TENM3: variants seen among roughly 807,000 people sequenced by gnomAD.
TENM3 encodes teneurin-3.
Under a neutral mutation model 255.1 loss-of-function variants are expected in TENM3, and 63 were observed. That is an observed-to-expected ratio of 0.25 (90% CI 0.20 to 0.30). The LOEUF (loss-of-function observed/expected upper bound fraction) is 0.30. Ranked by LOEUF, TENM3 falls within the 10% of genes least tolerant of loss-of-function variation. The pLI is 1.00. For missense variants in TENM3, 2,929 were observed against 3,461.1 expected (o/e 0.85, Z 3.86); for synonymous variants, 1,306 against 1,322.3 (o/e 0.99, Z 0.27).
chr4:181,715,639 G>A, the TENM3 span, among the ~76,000 whole-genome samples: 1 of 152,214 alleles, frequency 6.6e-6, no homozygotes, highest in Admixed American at 6.5e-5. Flanking sequence ...GGTATGCAGT[G>A]AGATTCTTCA....
At chr4:182,720,297 A>C (rs1013481318) in intron 13 of TENM3, among the ~76,000 whole-genome samples, 1 of 152,180 alleles carries the variant, frequency 6.6e-6, no homozygotes, top group Admixed American at 6.6e-5. Context: ...CTCTAAAAAC[A>C]GATTTAAAAA....
chr4:181,813,872 GT>G, the TENM3 span, among the ~76,000 whole-genome samples: 4 of 152,130 alleles, frequency 2.6e-5, no homozygotes, highest in Non-Finnish European at 5.9e-5. Flanking sequence ...CTGAATAAGT[GT>G]TGGGAAAGGG....
At chr4:181,590,358 C>T in the TENM3 span, among the ~76,000 whole-genome samples, 11 of 152,136 alleles carry the variant, frequency 7.2e-5, no homozygotes, top group African/African-American at 2.4e-4. Flanking sequence ...CTAAGGCTCT[C>T]GGCTATTCCA....
chr4:182,208,408 A>G (rs1460292957), intron 1 of TENM3, among the ~76,000 whole-genome samples: 1 of 152,214 alleles, frequency 6.6e-6, no homozygotes, highest in Admixed American at 6.5e-5. Context: ...ATTTCCGTAA[A>G]GGGACAGATA....
At chr4:181,534,163 G>A in the TENM3 span, among the ~76,000 whole-genome samples, 263 of 151,778 alleles carry the variant, frequency 1.7e-3, 1 homozygote, top group African/African-American at 6.1e-3. Flanking sequence ...AGCCGAGGTG[G>A]GTGGATCACA....
chr4:182,738,616 A>G (rs1271552559), intron 18 of TENM3, 72 bp downstream of exon 18: 3 of 1,304,660 alleles, frequency 2.3e-6, no homozygotes, highest in Non-Finnish European at 1.0e-6. Flanking sequence ...CCCACTTTCC[A>G]ACTCATGAGA....
At chr4:181,489,264 T>G in the TENM3 span, among the ~76,000 whole-genome samples, 2 of 152,328 alleles carry the variant, frequency 1.3e-5, no homozygotes, top group South Asian at 4.1e-4. Context: ...TCCAATTTCC[T>G]TTCATGAGAC....
At chr4:182,511,275 A>T (rs1560850969) in intron 3 of TENM3, among the ~76,000 whole-genome samples, 1 of 152,228 alleles carries the variant, frequency 6.6e-6, no homozygotes. Flanking sequence ...TCCATAAATT[A>T]ATAAAAATAA....
the TENM3 span, among the ~76,000 whole-genome samples, chr4:182,061,218 A>T: frequency 6.6e-6 from 1 of 152,130 alleles, no homozygotes; most frequent in African/African-American, 2.4e-5. Context: ...ACAGATTTCA[A>T]ATTGCAACTG....
At chr4:181,631,342 T>G in the TENM3 span, among the ~76,000 whole-genome samples, 10,075 of 151,912 alleles carry the variant, frequency 0.066, 454 homozygotes, top group East Asian at 0.14. Flanking sequence ...CAGGCAGGAG[T>G]GCAATGGCAC....
intron 3 of TENM3, among the ~76,000 whole-genome samples, chr4:182,353,605 C>T (rs914713209): frequency 6.6e-6 from 1 of 152,176 alleles, no homozygotes; most frequent in Non-Finnish European, 1.5e-5. Flanking sequence ...AAAAGCTTCC[C>T]TGTTTCATTT....
intron 4 of TENM3, among the ~76,000 whole-genome samples, chr4:182,623,878 C>T (rs544121790): frequency 5.3e-5 from 8 of 152,344 alleles, no homozygotes; most frequent in Admixed American, 2.0e-4. Flanking sequence ...CATCTCTTTG[C>T]TTCTCTTGCA....
intron 3 of TENM3, among the ~76,000 whole-genome samples, chr4:182,459,334 C>A (rs1468507338): frequency 6.6e-6 from 1 of 152,214 alleles, no homozygotes; most frequent in South Asian, 2.1e-4. Context: ...CAATAGTATT[C>A]ATCTCGGTGA....
rs148531073 is a variant in TENM3 at position 182,154,477 on chromosome 4, A to C, written c.-76+9723A>C. Among the ~76,000 whole-genome samples the C allele has an allele frequency of 2.7e-3, 406 of 152,314 alleles. 1 individual carries two copies. The highest frequency in any genetic ancestry group is 8.9e-3 in the African/African-American group (370 of 41,566). ...GGTTTCTTTCCTAAATCTAATATTT[A>C]TATGGAATTTTAGTCTAAATATATG... On this transcript the variant is annotated intron_variant, in intron 1 of 2. Transcript: ENST00000512480.
At chr4:182,448,877 T>TGGC (rs1773177950) in intron 3 of TENM3, 1 of 208,704 alleles carries the variant, frequency 4.8e-6, no homozygotes. Flanking sequence ...GAGGCGGCGG[T>TGGC]GGCGGCCCGG....
intron 19 of TENM3, chr4:182,744,093 CTTTTTTTT>C (rs957977132): frequency 1.8e-5 from 8 of 451,898 alleles, no homozygotes; most frequent in African/African-American, 6.2e-5. Context: ...ACTGTGCTTT[CTTTTTTTT>C]TTTTTTTTTT....
the TENM3 span, among the ~76,000 whole-genome samples, chr4:181,848,282 A>G: frequency 6.6e-6 from 1 of 152,230 alleles, no homozygotes; most frequent in Non-Finnish European, 1.5e-5. Context: ...TTTATAGGTC[A>G]TCTAGTGACT....
chr4:181,605,580 GAAAGGAAAGAAA>G, the TENM3 span, among the ~76,000 whole-genome samples: 10 of 31,278 alleles, frequency 3.2e-4, 2 homozygotes, highest in South Asian at 3.4e-3. Context: ...GAGAGAGAAA[GAAAGGAAAGAAA>G]GAAAGAAAGA....
chr4:181,680,387 T>A, the TENM3 span, among the ~76,000 whole-genome samples: 415 of 152,258 alleles, frequency 2.7e-3, 2 homozygotes, highest in African/African-American at 9.5e-3. Flanking sequence ...CACTTTTAAT[T>A]TGTCAAAAAA....
Sources: allele counts gnomAD v4.1 joint callset (sites outside exome capture counted in the v4.1 genomes callset), GRCh38; gene constraint gnomAD v4.1.1; transcripts MANE v1.5; gene names NCBI Gene and HGNC (gene_info 2026-07-23, HGNC 2026-07-21).